The following FGD4 variants were observed in gnomAD, a reference collection of about 807,000 sequenced individuals.
The protein encoded by FGD4 is FYVE, RhoGEF and PH domain containing 4.
A neutral mutation model predicts 102.0 loss-of-function variants in FGD4; 42 were observed. The ratio of observed to expected loss-of-function variants is 0.41; its 90% CI spans 0.32 to 0.53. The LOEUF (loss-of-function observed/expected upper bound fraction) is 0.53, where lower values mean the gene tolerates loss of function less well. Among genes scored for constraint, FGD4 ranks in the 20% least tolerant of loss-of-function variants. The probability of loss-of-function intolerance (pLI) is 0.21; values close to 1 mark genes in which losing one functional copy is unlikely to be tolerated. For missense variants in FGD4, 902 were observed against 1,078.2 expected, an observed-to-expected ratio of 0.84 and a Z score of 2.29; for synonymous variants, 380 against 375.7, an observed-to-expected ratio of 1.01 and a Z score of -0.13.
chr12:32,624,892 T>G lies in FGD4; in HGVS notation c.1954-84T>G, dbSNP rs1950055462. 2.6e-6 allele frequency: 3 copies of G among 1,157,478 alleles called. No homozygotes were observed. The Admixed American group carries it at 5.1e-5, about 20-fold the overall frequency. 71.7% of individuals were successfully genotyped at this position (1,157,478 alleles called of 1,614,324 possible). On this transcript the variant is annotated intron_variant, in intron 12 of 16. Coordinates refer to ENST00000534526, the MANE Select transcript of FGD4 (RefSeq NM_001370298.3). ...CACTTAATTTTCAAAGTGATTCCTA[T>G]CATAGATATTTGTTTGATAAAGTAT... is the stretch of plus-strand genomic sequence containing the variant.
intron 1 of FGD4, among the ~76,000 whole-genome samples, chr12:32,470,184 C>T (rs1457050741): frequency 6.6e-6 from 1 of 152,072 alleles, no homozygotes; most frequent in Non-Finnish European, 1.5e-5. Flanking sequence ...AGTTGCTATA[C>T]CTCTTCCAGA....
intron 1 of FGD4, among the ~76,000 whole-genome samples, chr12:32,493,419 G>C (rs1048010817): frequency 1.3e-5 from 2 of 152,158 alleles, no homozygotes; most frequent in African/African-American, 4.8e-5. Flanking sequence ...GTGGTAATCT[G>C]ATGAGCCAGG....
chr12:32,498,958 T>G (rs1421152227), intron 1 of FGD4, among the ~76,000 whole-genome samples: 1 of 152,242 alleles, frequency 6.6e-6, no homozygotes, highest in African/African-American at 2.4e-5. Flanking sequence ...GAATTGCTCC[T>G]GCCCCGGGGC....
chr12:32,512,337 C>T (rs548758216), intron 1 of FGD4, among the ~76,000 whole-genome samples: 1 of 152,034 alleles, frequency 6.6e-6, no homozygotes, highest in South Asian at 2.1e-4. Flanking sequence ...ATCCCAGCTA[C>T]TTGGGAGACT....
intron 1 of FGD4, among the ~76,000 whole-genome samples, chr12:32,431,237 G>T (rs1381581413): frequency 1.3e-5 from 2 of 152,142 alleles, no homozygotes; most frequent in South Asian, 2.1e-4. Flanking sequence ...GTGCTTCTCT[G>T]CCTCTTGATT....
rs557863689 is a variant in FGD4 at position 32,626,776 on chromosome 12, G to T, written c.2172+997G>T. 2.0e-5 allele frequency among the ~76,000 whole-genome samples: 3 copies of T among 152,294 alleles called. No homozygotes were observed. In the South Asian group the frequency reaches 6.2e-4, roughly 32 times the overall value. On this transcript the variant is annotated intron_variant, in intron 14 of 16. Coordinates refer to ENST00000534526, the MANE Select transcript of FGD4 (RefSeq NM_001370298.3). The stretch of plus-strand genomic sequence containing the variant: ...AGATGTGTATAAATGTGGGTAAGTT[G>T]GCGTTTTTGTTGTTCTGGTGGTGAG...
At chr12:32,431,210 G>A (rs545482729) in intron 1 of FGD4, among the ~76,000 whole-genome samples, 1 of 152,316 alleles carries the variant, frequency 6.6e-6, no homozygotes, top group South Asian at 2.1e-4. Context: ...CTGATTAGCT[G>A]GCAGCAGATG....
intron 10 of FGD4, among the ~76,000 whole-genome samples, chr12:32,612,143 G>A (rs1949180406): frequency 6.6e-6 from 1 of 152,236 alleles, no homozygotes; most frequent in Non-Finnish European, 1.5e-5. Context: ...GTTGCTGAGG[G>A]TGGCTTGGTG....
intron 1 of FGD4, among the ~76,000 whole-genome samples, chr12:32,453,748 T>C (rs1314162580): frequency 6.6e-6 from 1 of 152,202 alleles, no homozygotes; most frequent in African/African-American, 2.4e-5. Flanking sequence ...GATTTTCATT[T>C]ATCTCATTCT....
chr12:32,438,870 A>G (rs532582826), intron 1 of FGD4, among the ~76,000 whole-genome samples: 2 of 152,240 alleles, frequency 1.3e-5, no homozygotes, highest in East Asian at 3.9e-4. Context: ...GGCCTCCCAA[A>G]GTGCTGGGAT....
chr12:32,432,051 ATTTTTTTT>A (rs60933809), intron 1 of FGD4, among the ~76,000 whole-genome samples: 4 of 107,710 alleles, frequency 3.7e-5, no homozygotes, highest in East Asian at 2.6e-4. Flanking sequence ...TAATCCTAGC[ATTTTTTTT>A]TTTTTTTTTT....
rs527489227 is a variant in FGD4, at chr12:32,453,958, C to T, written c.166+53999C>T. Among the ~76,000 whole-genome samples the T allele has an allele frequency of 5.3e-5, 8 of 152,010 alleles. No individual in the cohort carries two copies. In the South Asian group the frequency reaches 1.2e-3, roughly 24 times the overall value. ...TTCCTTCTCATCAAGAATAATTCCACGGTTTTCTTTGTAAGTGGACTCTTG... is the reference window on the plus strand; with the variant it reads ...TTCCTTCTCATCAAGAATAATTCCATGGTTTTCTTTGTAAGTGGACTCTTG... On this transcript the variant is annotated intron_variant, in intron 1 of 16. Coordinates refer to ENST00000534526, the MANE Select transcript of FGD4 (RefSeq NM_001370298.3).
chr12:32,468,455 A>G (rs981211208), intron 1 of FGD4, among the ~76,000 whole-genome samples: 4 of 152,218 alleles, frequency 2.6e-5, no homozygotes, highest in African/African-American at 9.6e-5. Context: ...CTCGAGTGCT[A>G]GAGAAGCATG....
chr12:32,421,005 G>A (rs766351125), intron 1 of FGD4, among the ~76,000 whole-genome samples: 1 of 152,122 alleles, frequency 6.6e-6, no homozygotes, highest in Non-Finnish European at 1.5e-5. Flanking sequence ...TGATCCTTCT[G>A]CCTTGGCCTC....
intron 1 of FGD4, among the ~76,000 whole-genome samples, chr12:32,520,735 C>T (rs922012909): frequency 6.6e-6 from 1 of 151,980 alleles, no homozygotes. Context: ...CGCGCCTGGC[C>T]TATTTTTGTG....
At chr12:32,484,776 G>A (rs1258663106) in intron 1 of FGD4, among the ~76,000 whole-genome samples, 2 of 152,082 alleles carry the variant, frequency 1.3e-5, no homozygotes, top group Admixed American at 1.3e-4. Context: ...GGAGGCTGAG[G>A]CAGGAGAATA....
At chr12:32,539,833 T>C (rs1400219291) in intron 1 of FGD4, among the ~76,000 whole-genome samples, 1 of 152,192 alleles carries the variant, frequency 6.6e-6, no homozygotes, top group Non-Finnish European at 1.5e-5. Flanking sequence ...TTCTTAGAAA[T>C]ATGGAATCAA....
intron 4 of FGD4, among the ~76,000 whole-genome samples, chr12:32,596,323 G>A (rs953867471): frequency 6.6e-6 from 1 of 152,222 alleles, no homozygotes; most frequent in Non-Finnish European, 1.5e-5. Flanking sequence ...AGCTACAATA[G>A]CAAGAGCATA....
chr12:32,624,482 C>CTTT (rs10700807), intron 12 of FGD4, 30 bp downstream of exon 12: 416 of 1,343,734 alleles, frequency 3.1e-4, no homozygotes, highest in Non-Finnish European at 3.7e-4. Flanking sequence ...CCTTTTCTTT[C>CTTT]TTTTTTTTTT....
Sources: gnomAD v4.1 joint callset for allele counts (sites outside exome capture counted in the v4.1 genomes callset) on GRCh38, gnomAD v4.1.1 for gene constraint, MANE v1.5 for transcripts, NCBI Gene and HGNC (gene_info 2026-07-23, HGNC 2026-07-21) for gene names.